Variants in CLCN7 observed in about 807,000 individuals in gnomAD.
CLCN7 encodes the protein H(+)/Cl(-) exchange transporter 7.
A neutral mutation model predicts 102.1 loss-of-function variants in CLCN7; 60 were observed. That is an observed-to-expected ratio of 0.59 (90% CI 0.48 to 0.73). CLCN7 has a LOEUF of 0.73. Ranked by LOEUF, CLCN7 falls within the 30% of genes least tolerant of loss-of-function variation. The pLI is 0.00. For missense variants in CLCN7, 962 were observed against 1,125.7 expected, an observed-to-expected ratio of 0.85 and a Z score of 2.08; for synonymous variants, 560 against 490.5, an observed-to-expected ratio of 1.14 and a Z score of -1.87.
chr16:1,470,395 C>T (rs966452476), intron 1 of CLCN7, among the ~76,000 whole-genome samples: 3 of 152,160 alleles, frequency 2.0e-5, no homozygotes, highest in East Asian at 1.9e-4. Flanking sequence ...GCCTGTGTTG[C>T]GTCCTAACAT....
chr16:1,462,304 G>C (rs1186565669), intron 2 of CLCN7, among the ~76,000 whole-genome samples: 1 of 150,738 alleles, frequency 6.6e-6, no homozygotes, highest in Non-Finnish European at 1.5e-5. Flanking sequence ...AGAGGCAAGA[G>C]GATCAACTGA....
At chr16:1,453,808 C>A (rs780800201) in intron 14 of CLCN7, 26 bp downstream of exon 14, 1 of 1,611,856 alleles carries the variant, frequency 6.2e-7, no homozygotes, top group South Asian at 1.1e-5. Flanking sequence ...CCTGCCAACG[C>A]GATATGCAAT....
intron 2 of CLCN7, among the ~76,000 whole-genome samples, chr16:1,462,882 C>A (rs372020721): frequency 6.6e-6 from 1 of 152,048 alleles, no homozygotes; most frequent in African/African-American, 2.4e-5. Flanking sequence ...GAAGCTGGGC[C>A]GGGCGCAATG....
intron 11 of CLCN7, 105 bp from the exon 12 acceptor site, chr16:1,455,355 A>G: frequency 1.2e-6 from 1 of 835,320 alleles, no homozygotes; most frequent in South Asian, 1.3e-5. Flanking sequence ...CGGGGCCAGG[A>G]GTCTGCAGAC....
At chr16:1,451,553 G>A in intron 16 of CLCN7, 70 bp downstream of exon 16, 2 of 1,355,550 alleles carry the variant, frequency 1.5e-6, no homozygotes, top group Non-Finnish European at 2.1e-6. Flanking sequence ...GCCCACAGGG[G>A]ACACTCAGCC....
At chr16:1,464,893 G>T (rs925080070) in intron 2 of CLCN7, among the ~76,000 whole-genome samples, 16 of 152,156 alleles carry the variant, frequency 1.1e-4, no homozygotes, top group Non-Finnish European at 2.2e-4. Context: ...CCACTGGCAC[G>T]GGAACATCTA....
intron 16 of CLCN7, among the ~76,000 whole-genome samples, chr16:1,451,093 G>A (rs377459737): frequency 1.3e-5 from 2 of 152,226 alleles, no homozygotes; most frequent in East Asian, 1.9e-4. Context: ...GACCGCCAGG[G>A]ACACAACTGC....
Position 1,461,757 on chromosome 16 carries a change from A to G in CLCN7, c.214-83T>C, listed in dbSNP as rs11248878. The G allele has an allele frequency of 0.14, 158,585 of 1,153,638 alleles. 13,984 individuals are homozygous for G. Among genetic ancestry groups the G allele is most frequent in the African/African-American group, 0.39 (25,637 of 66,196 alleles). The allele number at this position is 1,153,638 out of a possible 1,614,324, so 71.5% of individuals were successfully genotyped here. ...CCCCTCTCAGCTCACACACGAGGCC[A>G]TTATCATCCCGACACCAAGGACAAG... On this transcript the variant is annotated intron_variant, in intron 2 of 24. Transcript: ENST00000382745.
At position 1,448,463 on chromosome 16, in the gene CLCN7, C is replaced by G. The variant is rs1400998224; in HGVS notation, c.1905G>C (p.Val635=). 6.2e-7 allele frequency: 1 copy of G among 1,610,986 alleles called. No homozygotes were observed. Among genetic ancestry groups the G allele is most frequent in the Non-Finnish European group, 8.5e-7 (1 of 1,179,964 alleles). ...LTAREVMSTP[V]TCLRRREKVG... ...CCTTCTCACGCCGCCTCAGGCAGGT[C>G]ACTGGTGTGCTCATCACCTCCCTGC... Residue 635 remains valine, a synonymous_variant, in exon 21 of 25, where the codon GTG becomes GTC. Coordinates refer to ENST00000382745, the MANE Select transcript of CLCN7 (RefSeq NM_001287.6).
At chr16:1,472,996 G>A (rs1220753654) in intron 1 of CLCN7, among the ~76,000 whole-genome samples, 5 of 147,804 alleles carry the variant, frequency 3.4e-5, no homozygotes, top group Non-Finnish European at 7.5e-5. Context: ...TTGAACTTCT[G>A]GGCTCAAGTG....
intron 17 of CLCN7, chr16:1,449,687 A>C: frequency 6.2e-6 from 2 of 324,538 alleles, no homozygotes; most frequent in Non-Finnish European, 5.8e-6. Context: ...GGGCCACAGA[A>C]CCCAGGCATG....
In CLCN7 at chr16:1,457,145, G is replaced by C. The variant is rs570257057; in HGVS notation, c.822+109C>G. 9.5e-7 allele frequency: 1 copy of C among 1,055,876 alleles called. No homozygotes were observed. Among genetic ancestry groups the C allele is most frequent in the East Asian group, 2.4e-5 (1 of 41,174 alleles). The allele number at this position is 1,055,876 out of a possible 1,614,324, so 65.4% of individuals were successfully genotyped here. ...CCACCCGCCAGGCTGTCCTCAGATGGGGCTGGGGCTCTCGGCCTGGGGGTG... is the reference window on the plus strand; with the variant it reads ...CCACCCGCCAGGCTGTCCTCAGATGCGGCTGGGGCTCTCGGCCTGGGGGTG... On this transcript the variant is annotated intron_variant, in intron 9 of 24. Coordinates refer to ENST00000382745, the MANE Select transcript of CLCN7 (RefSeq NM_001287.6). This position sits in a 1 kb window ranked among gnomAD's most constrained non-coding sequence, Gnocchi z 5.4.
rs771855210 is a variant in CLCN7, at chr16:1,446,606, T to C, written c.*25A>G. 2 of 1,542,108 alleles carry C rather than the reference T, an allele frequency of 1.3e-6. No individual in the cohort carries two copies. Among genetic ancestry groups the C allele is most frequent in the Non-Finnish European group, 1.8e-6 (2 of 1,137,998 alleles). On this transcript the variant is annotated 3_prime_UTR_variant, in exon 25 of 25. Transcript: ENST00000382745. ...AGAAGGGCCGGGGTGCCAGCGCCAG[T>C]GCCCATTATGGGCAGGGCTGGGCCT...
rs548768878 is a variant in CLCN7, at chr16:1,447,105, T to A, written c.2251-19A>T. ...ACGCCTCCTGCAGCAGGGGCACAGC[T>A]GTCAGTGCCCGCCCACACAGCAGAG... is the stretch of plus-strand genomic sequence containing the variant. On this transcript the variant is annotated intron_variant, in intron 23 of 24. Transcript: ENST00000382745. The A allele has an allele frequency of 6.3e-7, 1 of 1,582,254 alleles. No homozygotes were observed. The highest frequency in any genetic ancestry group is 1.3e-5 in the African/African-American group (1 of 74,418).
chr16:1,456,053 C>A, intron 10 of CLCN7, 60 bp downstream of exon 10: 1 of 1,369,934 alleles, frequency 7.3e-7, no homozygotes, highest in Non-Finnish European at 1.0e-6. Context: ...AGAGAGGAGA[C>A]CGTTCCTTCC....
chr16:1,454,752 G>C (rs1596217753), intron 12 of CLCN7, among the ~76,000 whole-genome samples: 1 of 152,210 alleles, frequency 6.6e-6, no homozygotes, highest in East Asian at 1.9e-4. Context: ...TGGTCCCCCA[G>C]TTTCCTGCGC....
At chr16:1,470,739 G>A (rs560352764) in intron 1 of CLCN7, among the ~76,000 whole-genome samples, 1 of 152,166 alleles carries the variant, frequency 6.6e-6, no homozygotes, top group African/African-American at 2.4e-5. Flanking sequence ...CACTGGCGAC[G>A]ACCCCAGACC....
chr16:1,457,162 C>T lies in CLCN7; in HGVS notation c.822+92G>A. On this transcript the variant is annotated intron_variant, in intron 9 of 24. Transcript: ENST00000382745. The surrounding 1 kb of genome is among the most constrained non-coding windows in gnomAD (Gnocchi z 5.4). ...CTCAGATGGGGCTGGGGCTCTCGGC[C>T]TGGGGGTGCTGAGGGAAGCCCATCT... 2 of 1,217,088 alleles carry T rather than the reference C, an allele frequency of 1.6e-6. No homozygotes were observed. Among genetic ancestry groups the T allele is most frequent in the Non-Finnish European group, 1.2e-6 (1 of 821,930 alleles). The allele number at this position is 1,217,088 out of a possible 1,614,324, so 75.4% of individuals were successfully genotyped here. A position where few individuals can be genotyped will look rare whatever the true frequency, so the allele number is the denominator to read the frequency against.
At chr16:1,447,270 A>C (rs2038663452) in intron 23 of CLCN7, 122 bp downstream of exon 23, 1 of 1,215,734 alleles carries the variant, frequency 8.2e-7, no homozygotes. Context: ...CCTTCACAGG[A>C]GACAGAGTCA....
Sources: allele counts gnomAD v4.1 joint callset (sites outside exome capture counted in the v4.1 genomes callset), GRCh38; gene constraint gnomAD v4.1.1; non-coding constraint Gnocchi (gnomAD v3.1); transcripts MANE v1.5; gene names NCBI Gene and HGNC (gene_info 2026-07-23, HGNC 2026-07-21).